SSPN: variants seen among roughly 807,000 people sequenced by gnomAD.
SSPN encodes sarcospan, also known as K-ras oncogene-associated protein.
Under a neutral mutation model 19.1 loss-of-function variants are expected in SSPN, and 15 were observed. The ratio of observed to expected loss-of-function variants is 0.78; its 90% CI spans 0.52 to 1.21. SSPN has a LOEUF of 1.21. Ranked by LOEUF, SSPN falls within the 50% of genes most tolerant of loss-of-function variation. The probability of loss-of-function intolerance (pLI) is 0.00; values close to 1 mark genes in which losing one functional copy is unlikely to be tolerated. For missense variants in SSPN, 291 were observed against 314.0 expected, an observed-to-expected ratio of 0.93 and a Z score of 0.55; for synonymous variants, 147 against 140.3, an observed-to-expected ratio of 1.05 and a Z score of -0.34.
chr12:26,151,495 A>AT lies in SSPN; in HGVS notation c.-31+29349dup, dbSNP rs546944978. Among the ~76,000 whole-genome samples, 19 of 152,206 alleles carry AT rather than the reference A, an allele frequency of 1.2e-4. No homozygotes were observed. In the East Asian group the frequency reaches 1.5e-3, roughly 12 times the overall value. ...TTTTCTGAGGCACCCTTTCACATAC[A>AT]TTTTTTGCTATTGCAATGAAAAACA... is the stretch of plus-strand genomic sequence containing the variant. On this transcript the variant is annotated intron_variant, in intron 1 of 2. Coordinates refer to the SSPN transcript ENST00000538142.
chr12:26,155,261 C>T (rs1025466254), intron 1 of SSPN, among the ~76,000 whole-genome samples: 35 of 152,190 alleles, frequency 2.3e-4, no homozygotes, highest in African/African-American at 7.5e-4. Context: ...GTTACTTGTC[C>T]AGACTAATCA....
chr12:26,144,056 A>G (rs781127035), intron 1 of SSPN, among the ~76,000 whole-genome samples: 2 of 152,184 alleles, frequency 1.3e-5, no homozygotes, highest in Non-Finnish European at 2.9e-5. Context: ...ATTTCATTCT[A>G]TATTACAATG....
intron 1 of SSPN, among the ~76,000 whole-genome samples, chr12:26,172,334 C>A (rs1444574196): frequency 6.6e-6 from 1 of 151,978 alleles, no homozygotes; most frequent in East Asian, 1.9e-4. Context: ...TAGCCTTTAC[C>A]CCGTCACTCC....
Position 26,195,664 on chromosome 12 carries a change from C to G in SSPN, c.-9C>G. On this transcript the variant is annotated 5_prime_UTR_variant, in exon 1 of 3. Coordinates refer to ENST00000242729, the MANE Select transcript of SSPN (RefSeq NM_005086.5). ...ACGCACCCACCCACCCACCCAGCCT[C>G]GCAGCGCCATGGGCAAGAACAAGCA... 1.5e-6 allele frequency: 2 copies of G among 1,326,474 alleles called. No homozygotes were observed. The highest frequency in any genetic ancestry group is 2.0e-5 in the South Asian group (1 of 50,650). The allele number at this position is 1,326,474 out of a possible 1,614,324, so 82.2% of individuals were successfully genotyped here. A position where few individuals can be genotyped will look rare whatever the true frequency, so the allele number is the denominator to read the frequency against.
chr12:26,209,999 C>T (rs1016061553), intron 1 of SSPN, among the ~76,000 whole-genome samples: 2 of 151,968 alleles, frequency 1.3e-5, no homozygotes, highest in Non-Finnish European at 2.9e-5. Flanking sequence ...GCCATATGTC[C>T]CAGTGATGTT....
chr12:26,159,910 G>C (rs571319610), intron 1 of SSPN, among the ~76,000 whole-genome samples: 2 of 152,232 alleles, frequency 1.3e-5, no homozygotes, highest in African/African-American at 4.8e-5. Context: ...GATGGCCCTT[G>C]ATCAGGATCC....
At chr12:26,128,280 A>G (rs1426765037) in intron 1 of SSPN, among the ~76,000 whole-genome samples, 2 of 152,202 alleles carry the variant, frequency 1.3e-5, no homozygotes, top group Non-Finnish European at 1.5e-5. Context: ...GAGATGGAAA[A>G]GGGAGAGGTG....
At chr12:26,194,392 T>C (rs1027064748), upstream of SSPN, among the ~76,000 whole-genome samples, 8 of 152,232 alleles carry the variant, frequency 5.3e-5, no homozygotes, top group African/African-American at 1.7e-4. Flanking sequence ...GTTGTGGAGA[T>C]GAGTGAAGAC....
intron 1 of SSPN, among the ~76,000 whole-genome samples, chr12:26,128,916 T>A (rs988066252): frequency 2.0e-5 from 3 of 152,208 alleles, no homozygotes; most frequent in African/African-American, 7.2e-5. Flanking sequence ...CTAAATATCC[T>A]AAGTCCTGCA....
At chr12:26,140,440 C>T (rs567117813) in intron 1 of SSPN, among the ~76,000 whole-genome samples, 6 of 152,318 alleles carry the variant, frequency 3.9e-5, no homozygotes, top group Admixed American at 2.6e-4. Context: ...AGTGCTGTCA[C>T]CCTAGTCAAA....
At chr12:26,223,090 T>C (rs756125743) in intron 1 of SSPN, among the ~76,000 whole-genome samples, 21 of 152,200 alleles carry the variant, frequency 1.4e-4, no homozygotes, top group Admixed American at 6.5e-5. Flanking sequence ...TCACTGCTAA[T>C]TTTCCTGAAA....
At chr12:26,124,945 C>G in intron 1 of SSPN, 2 of 721,928 alleles carry the variant, frequency 2.8e-6, no homozygotes, top group Admixed American at 2.0e-5. Flanking sequence ...GGTCCCCCCC[C>G]TCCACCGCGC....
At chr12:26,195,419 C>G (rs1026115003), upstream of SSPN, 15 of 530,068 alleles carry the variant, frequency 2.8e-5, no homozygotes, top group Non-Finnish European at 4.2e-5. Context: ...CCGCGGGCGA[C>G]CTGCAAATCC....
chr12:26,221,359 A>G (rs1945118682), intron 1 of SSPN, among the ~76,000 whole-genome samples: 11 of 152,134 alleles, frequency 7.2e-5, no homozygotes, highest in Admixed American at 7.2e-4. Flanking sequence ...ACAATATTCC[A>G]ACTCATTATC....
intron 1 of SSPN, among the ~76,000 whole-genome samples, chr12:26,222,237 A>T (rs1945129100): frequency 6.6e-6 from 1 of 152,242 alleles, no homozygotes; most frequent in Non-Finnish European, 1.5e-5. Flanking sequence ...TCAATGATGG[A>T]AAACCCTGGA....
At chr12:26,174,515 T>TCCTTCCTTCCTTCCTTC (rs1944672615) in intron 1 of SSPN, among the ~76,000 whole-genome samples, 6 of 142,656 alleles carry the variant, frequency 4.2e-5, no homozygotes, top group Admixed American at 1.4e-4. Context: ...CTTCCTTCCT[T>TCCTTCCTTCCTTCCTTC]CCTTCCTTCC....
intron 1 of SSPN, among the ~76,000 whole-genome samples, chr12:26,207,399 A>T (rs1944940409): frequency 6.6e-6 from 1 of 152,134 alleles, no homozygotes; most frequent in Non-Finnish European, 1.5e-5. Context: ...CTTTTTTATT[A>T]TTTTTTAAGA....
intron 1 of SSPN, among the ~76,000 whole-genome samples, chr12:26,161,381 C>G (rs1213909230): frequency 1.3e-5 from 2 of 152,086 alleles, no homozygotes; most frequent in African/African-American, 4.8e-5. Context: ...CTGCCTGGAG[C>G]AGTCTTCCCA....
intron 1 of SSPN, among the ~76,000 whole-genome samples, chr12:26,185,720 C>T (rs1054449316): frequency 2.0e-5 from 3 of 152,168 alleles, no homozygotes; most frequent in Non-Finnish European, 4.4e-5. Flanking sequence ...GACCACCTGC[C>T]GTGCCAAGTC....
Sources: allele counts gnomAD v4.1 joint callset (sites outside exome capture counted in the v4.1 genomes callset), GRCh38; gene constraint gnomAD v4.1.1; transcripts MANE v1.5; gene names NCBI Gene and HGNC (gene_info 2026-07-23, HGNC 2026-07-21).